Variants in GALK2 observed in about 807,000 individuals in gnomAD.
GALK2 encodes the protein N-acetylgalactosamine kinase.
A neutral mutation model predicts 52.4 loss-of-function variants in GALK2; 36 were observed. That is an observed-to-expected ratio of 0.69 (90% confidence interval 0.53 to 0.91). The LOEUF (loss-of-function observed/expected upper bound fraction) is 0.91. Among genes scored for constraint, GALK2 ranks in the 40% least tolerant of loss-of-function variants. The pLI, the probability that GALK2 is intolerant of heterozygous loss-of-function variation, is 0.00. For synonymous variants in GALK2, 176 were observed against 199.1 expected, an observed-to-expected ratio of 0.88 and a Z score of 0.98; for missense variants, 579 against 559.1, an observed-to-expected ratio of 1.04 and a Z score of -0.36.
chr15:49,220,739 ATC>A (rs2089736343), intron 3 of GALK2, among the ~76,000 whole-genome samples: 1 of 152,126 alleles, frequency 6.6e-6, no homozygotes, highest in African/African-American at 2.4e-5. Context: ...CCTTACCAGC[ATC>A]TGTTTTCTTT....
At chr15:49,208,399 T>C (rs2088506420) in intron 2 of GALK2, among the ~76,000 whole-genome samples, 1 of 152,224 alleles carries the variant, frequency 6.6e-6, no homozygotes, top group African/African-American at 2.4e-5. Context: ...CATCTGGATC[T>C]CATTTTTGAC....
chr15:49,225,207 C>T, intron 3 of GALK2: 1 of 455,970 alleles, frequency 2.2e-6, no homozygotes, highest in Non-Finnish European at 4.4e-6. Flanking sequence ...TTAATTAGGT[C>T]TTCCGGGCTG....
At chr15:49,332,362 G>A (rs973667116), downstream of GALK2, among the ~76,000 whole-genome samples, 9 of 152,236 alleles carry the variant, frequency 5.9e-5, no homozygotes, top group Non-Finnish European at 8.8e-5. Context: ...GAAAGAAAGA[G>A]AGGGAGATGG....
At chr15:49,265,567 C>T (rs1307668309) in intron 5 of GALK2, among the ~76,000 whole-genome samples, 1 of 152,242 alleles carries the variant, frequency 6.6e-6, no homozygotes, top group Non-Finnish European at 1.5e-5. Context: ...GCGCGCAGTG[C>T]GCTGCATCCA....
At chr15:49,242,760 G>C (rs532260216) in intron 5 of GALK2, among the ~76,000 whole-genome samples, 105 of 152,346 alleles carry the variant, frequency 6.9e-4, no homozygotes, top group African/African-American at 2.4e-3. Flanking sequence ...GTACAAGAGA[G>C]TATGATGTGG....
intron 3 of GALK2, chr15:49,225,486 A>G (rs184609595): frequency 7.3e-6 from 2 of 275,182 alleles, no homozygotes; most frequent in East Asian, 1.0e-4. Flanking sequence ...CATGCTCCTT[A>G]TGATAATCCA....
intron 1 of GALK2, among the ~76,000 whole-genome samples, chr15:49,181,293 G>A (rs1365585996): frequency 6.6e-6 from 1 of 151,536 alleles, no homozygotes; most frequent in African/African-American, 2.4e-5. Context: ...ATTTTTTGTA[G>A]AGATGGGGTT....
chr15:49,204,203 C>T (rs940657018), intron 2 of GALK2, among the ~76,000 whole-genome samples: 25 of 151,796 alleles, frequency 1.6e-4, no homozygotes, highest in African/African-American at 6.0e-4. Flanking sequence ...GTTTTTACGC[C>T]AAAACCATAG....
intron 3 of GALK2, chr15:49,366,642 G>A (rs1353538440): frequency 2.2e-5 from 35 of 1,574,368 alleles, no homozygotes; most frequent in Non-Finnish European, 3.0e-5. Flanking sequence ...AAGCCCCAGA[G>A]CAGGGCGGCC....
At chr15:49,181,224 C>A (rs543889181) in intron 1 of GALK2, among the ~76,000 whole-genome samples, 1 of 151,746 alleles carries the variant, frequency 6.6e-6, no homozygotes, top group Non-Finnish European at 1.5e-5. Flanking sequence ...CCACTTCAGC[C>A]TCCTGAGTAG....
At chr15:49,159,838 C>G (rs1009468211) in intron 1 of GALK2, among the ~76,000 whole-genome samples, 2 of 152,040 alleles carry the variant, frequency 1.3e-5, no homozygotes, top group Non-Finnish European at 2.9e-5. Context: ...CCATTATCAG[C>G]TTTGATTGTA....
At chr15:49,317,372 C>CA (rs1203851171) in intron 8 of GALK2, among the ~76,000 whole-genome samples, 1 of 150,132 alleles carries the variant, frequency 6.7e-6, no homozygotes, top group Admixed American at 6.6e-5. Context: ...CCATCTCACA[C>CA]CAGTTAGAAA....
rs75249524 is a variant in GALK2 at position 49,185,985 on chromosome 15, C to G, written c.54-15177C>G. Among the ~76,000 whole-genome samples the G allele has an allele frequency of 5.9e-3, 894 of 152,146 alleles. 15 individuals carry two copies. Among genetic ancestry groups the G allele is most frequent in the African/African-American group, 0.021 (861 of 41,512 alleles). ...AAGTGTGCTGACAGTTGTAATGGAG[C>G]TCCTTTATATGTTACTGGTTTCTCT... On this transcript the variant is annotated intron_variant, in intron 1 of 9. Transcript: ENST00000560031.
chr15:49,170,369 A>G lies in GALK2; in HGVS notation c.47A>G (p.His16Arg). ...ACGCGTCGGGTCCAGGTGGCAGAAC[A>G]TCCTAGGTGGGGGAGAGGAGACGCC... Reference protein sequence around the residue: ...PATRRVQVAEHPRLLKLKEMF... With the variant: ...PATRRVQVAERPRLLKLKEMF... The change falls in exon 1 of 10, where the codon CAT becomes CGT. Residue 16 changes from histidine to arginine, a missense_variant. Physicochemically the swap from His to Arg is conservative, Grantham distance 29. Coordinates refer to ENST00000560031, the MANE Select transcript of GALK2 (RefSeq NM_002044.4). 6.3e-7 allele frequency: 1 copy of G among 1,591,078 alleles called. No individual in the cohort carries two copies. Among genetic ancestry groups the G allele is most frequent in the Non-Finnish European group, 8.6e-7 (1 of 1,169,038 alleles).
chr15:49,239,296 T>A lies in GALK2; in HGVS notation c.433T>A (p.Ser145Thr). 6.2e-7 allele frequency: 1 copy of A among 1,614,168 alleles called. No homozygotes were observed. The highest frequency in any genetic ancestry group is 8.5e-7 in the Non-Finnish European group (1 of 1,180,004). The change falls in exon 5 of 10, where the codon TCC (serine) becomes ACC (threonine). Residue 145 changes from serine to threonine, a missense_variant. Ser to Thr is a moderately conservative substitution (Grantham distance 58, BLOSUM62 1). Transcript: ENST00000560031. ...DGNIPPSSGL[S>T]SSSALVCCAG... ...AAATATCCCACCAAGTTCTGGCCTC[T>A]CCAGCTCCAGTGCTTTGGTCTGTTG...
rs147544882 is a variant in GALK2, at chr15:49,345,934, T to G, written c.427-21557T>G. The stretch of plus-strand genomic sequence containing the variant: ...GTGTGTGAGAGACTCAGGAAAAGAA[T>G]GGCCCAGGGGCAAATTTCGTACTTA... On this transcript the variant is annotated intron_variant, in intron 3 of 3. Transcript: ENST00000558399. 1.9e-3 allele frequency among the ~76,000 whole-genome samples: 290 copies of G among 152,256 alleles called. 2 individuals carry two copies. The highest frequency in any genetic ancestry group is 6.5e-3 in the African/African-American group (269 of 41,544).
At chr15:49,169,310 C>T (rs1422480601), upstream of GALK2, among the ~76,000 whole-genome samples, 1 of 151,808 alleles carries the variant, frequency 6.6e-6, no homozygotes, top group African/African-American at 2.4e-5. Flanking sequence ...GCTGTCTTTG[C>T]TTGGGTTTAA....
intron 1 of GALK2, among the ~76,000 whole-genome samples, chr15:49,185,996 G>GTTAC (rs2086310959): frequency 1.3e-5 from 2 of 151,982 alleles, no homozygotes; most frequent in African/African-American, 4.8e-5. Context: ...TCCTTTATAT[G>GTTAC]TTACTGGTTT....
In GALK2 at chr15:49,330,367, T is replaced by C. The variant is rs1397164989; in HGVS notation, c.*2208T>C. 2.0e-5 allele frequency: 3 copies of C among 152,194 alleles called. No individual in the cohort carries two copies. Among genetic ancestry groups the C allele is most frequent in the African/African-American group, 7.2e-5 (3 of 41,444 alleles). 9.4% of individuals were successfully genotyped at this position (152,194 alleles called of 1,614,324 possible). ...GGGCCACATCTGGTCTGCAGATGTA[T>C]ATAGTTTGGCCCACAGAATGACTAA... On this transcript the variant is annotated 3_prime_UTR_variant, in exon 10 of 10. Transcript: ENST00000560031.
Sources: gnomAD v4.1 joint callset for allele counts (sites outside exome capture counted in the v4.1 genomes callset) on GRCh38, gnomAD v4.1.1 for gene constraint, MANE v1.5 for transcripts, NCBI Gene and HGNC (gene_info 2026-07-23, HGNC 2026-07-21) for gene names.